Variants in RANBP17 observed in about 807,000 individuals in gnomAD.
The protein encoded by RANBP17 is ran-binding protein 17.
Under a neutral mutation model 141.2 loss-of-function variants are expected in RANBP17, and 158 were observed. That is an observed-to-expected ratio of 1.12 (90% CI 0.98 to 1.28). The LOEUF (loss-of-function observed/expected upper bound fraction) is 1.28. Among genes scored for constraint, RANBP17 ranks in the 50% most tolerant of loss-of-function variants. RANBP17 has a pLI of 0.00. For synonymous variants in RANBP17, 430 were observed against 450.0 expected (o/e 0.96, Z 0.56); for missense variants, 1,438 against 1,290.7 (o/e 1.11, Z -1.75).
At chr5:171,022,131 C>T (rs181032814) in intron 14 of RANBP17, among the ~76,000 whole-genome samples, 41 of 152,270 alleles carry the variant, frequency 2.7e-4, no homozygotes, top group Admixed American at 2.2e-3. Context: ...CTGGAGATGT[C>T]ACTCAACAAG....
chr5:171,286,956 T>C (rs1262109836), intron 25 of RANBP17, among the ~76,000 whole-genome samples: 1 of 152,204 alleles, frequency 6.6e-6, no homozygotes, highest in African/African-American at 2.4e-5. Flanking sequence ...GTTTTTGTTT[T>C]ATTGTTTTTG....
Position 170,921,945 on chromosome 5 carries a change from G to A in RANBP17, c.1274+2332G>A, listed in dbSNP as rs181643567. Among the ~76,000 whole-genome samples the A allele has an allele frequency of 3.5e-3, 530 of 152,266 alleles. 1 individual carries two copies. Among genetic ancestry groups the A allele is most frequent in the Admixed American group, 6.9e-3 (105 of 15,290 alleles). The stretch of plus-strand genomic sequence containing the variant: ...TGGAATTTTCAGCTTTTCTGCTCTG[G>A]TTTCTCCCCATCTTTATGGTTTTAT... On this transcript the variant is annotated intron_variant, in intron 11 of 27. Coordinates refer to ENST00000523189, the MANE Select transcript of RANBP17 (RefSeq NM_022897.5).
chr5:171,158,059 A>G (rs1453139952), intron 14 of RANBP17, among the ~76,000 whole-genome samples: 4 of 152,240 alleles, frequency 2.6e-5, no homozygotes, highest in Non-Finnish European at 4.4e-5. Context: ...AAGCCAGCCT[A>G]TGTTGAACAA....
intron 14 of RANBP17, among the ~76,000 whole-genome samples, chr5:171,040,357 T>C (rs1302554293): frequency 6.6e-6 from 1 of 152,200 alleles, no homozygotes; most frequent in African/African-American, 2.4e-5. Context: ...CCAGGGACTT[T>C]CTTAAATAAT....
intron 22 of RANBP17, among the ~76,000 whole-genome samples, chr5:171,232,113 C>T (rs1028506496): frequency 6.6e-6 from 1 of 152,052 alleles, no homozygotes; most frequent in Admixed American, 6.5e-5. Flanking sequence ...TATGTGGCAA[C>T]AGTTGAAAGA....
rs1290493396 is a variant in RANBP17, at chr5:170,909,747, A to G, written c.576A>G (p.Ala192=). The change falls in exon 6 of 28, where the codon GCA becomes GCG. Residue 192 remains alanine, a synonymous_variant. Transcript: ENST00000523189. ...DTSLKDVLVL[A]CSLLKEVFAK... ...CTCTCAAAGACGTTTTAGTGCTAGC[A>G]TGCTCTCTTTTAAAAGAGGTAAGTT... 6.4e-7 allele frequency: 1 copy of G among 1,551,662 alleles called. No individual in the cohort carries two copies. Among genetic ancestry groups the G allele is most frequent in the East Asian group, 2.3e-5 (1 of 44,416 alleles).
intron 13 of RANBP17, among the ~76,000 whole-genome samples, chr5:170,957,903 T>C (rs1775848654): frequency 6.6e-6 from 1 of 152,176 alleles, no homozygotes; most frequent in African/African-American, 2.4e-5. Flanking sequence ...TTGACCAAAA[T>C]GTTGTCACCA....
At chr5:171,043,838 T>C (rs752971202) in intron 14 of RANBP17, among the ~76,000 whole-genome samples, 10 of 152,262 alleles carry the variant, frequency 6.6e-5, no homozygotes, top group Non-Finnish European at 1.0e-4. Context: ...TCTTAAGCCA[T>C]GGTTTGGAAC....
intron 14 of RANBP17, among the ~76,000 whole-genome samples, chr5:171,038,030 A>G (rs1242996160): frequency 6.6e-6 from 1 of 152,100 alleles, no homozygotes; most frequent in African/African-American, 2.4e-5. Context: ...CCATTTTAAC[A>G]ATATTGATTC....
chr5:171,185,140 G>A (rs1007629365), intron 18 of RANBP17, among the ~76,000 whole-genome samples: 1 of 152,160 alleles, frequency 6.6e-6, no homozygotes, highest in Admixed American at 6.6e-5. Flanking sequence ...TCCAGCCTGG[G>A]CAACAAGAAC....
intron 22 of RANBP17, among the ~76,000 whole-genome samples, chr5:171,238,384 A>AAAC (rs1554121480): frequency 8.3e-4 from 126 of 151,932 alleles, no homozygotes; most frequent in African/African-American, 2.9e-3. Context: ...TTATGATTCT[A>AAAC]AATATTTCTT....
In RANBP17 at chr5:171,171,224, C is replaced by T. The variant is rs142281542; in HGVS notation, c.1803C>T (p.Tyr601=). The T allele has an allele frequency of 8.1e-5, 129 of 1,589,378 alleles. No homozygotes were observed. Among genetic ancestry groups the T allele is most frequent in the Non-Finnish European group, 1.0e-4 (118 of 1,163,956 alleles). The change falls in exon 16 of 28, where the codon TAC becomes TAT. Residue 601 remains tyrosine, a synonymous_variant. Transcript: ENST00000523189. Reference sequence around the variant, plus strand: ...TATTTAGTGTTACAAACCTTAAATACTGGGGAAGATATGAGCCTGTAATTT... The same window carrying T: ...TATTTAGTGTTACAAACCTTAAATATTGGGGAAGATATGAGCCTGTAATTT... ...FMTKIVTNLK[Y]WGRYEPVISR...
At chr5:171,021,568 A>G (rs1220142024) in intron 14 of RANBP17, among the ~76,000 whole-genome samples, 4 of 151,994 alleles carry the variant, frequency 2.6e-5, no homozygotes, top group South Asian at 2.1e-4. Context: ...CCATTCAGCT[A>G]TTGATTGTAT....
intron 14 of RANBP17, among the ~76,000 whole-genome samples, chr5:171,132,585 G>C (rs1756996980): frequency 6.6e-6 from 1 of 151,962 alleles, no homozygotes; most frequent in African/African-American, 2.4e-5. Flanking sequence ...AACCAGGTAT[G>C]GTGGTGCATG....
At chr5:171,134,979 A>C (rs1425969353) in intron 14 of RANBP17, among the ~76,000 whole-genome samples, 1 of 151,684 alleles carries the variant, frequency 6.6e-6, no homozygotes, top group Non-Finnish European at 1.5e-5. Flanking sequence ...GTAAAGAGAA[A>C]AGTTTAAGGC....
intron 14 of RANBP17, among the ~76,000 whole-genome samples, chr5:171,121,491 C>A (rs1029023216): frequency 6.6e-6 from 1 of 152,212 alleles, no homozygotes; most frequent in South Asian, 2.1e-4. Context: ...AGGGCTGCTT[C>A]TCAGGTTCTG....
chr5:171,149,640 A>G (rs1758329873), intron 14 of RANBP17, among the ~76,000 whole-genome samples: 1 of 152,224 alleles, frequency 6.6e-6, no homozygotes. Flanking sequence ...CTTGAGCAAT[A>G]TAGAGTATAC....
intron 14 of RANBP17, among the ~76,000 whole-genome samples, chr5:171,061,194 C>T (rs1417040869): frequency 6.6e-6 from 1 of 150,998 alleles, no homozygotes; most frequent in Non-Finnish European, 1.5e-5. Flanking sequence ...TATTTCTTGC[C>T]TTCTGCTAGC....
chr5:171,155,094 A>AAAAAAAAT (rs34090443), intron 14 of RANBP17, among the ~76,000 whole-genome samples: 1 of 74,988 alleles, frequency 1.3e-5, no homozygotes, highest in African/African-American at 5.2e-5. Flanking sequence ...AAAAAAAAAA[A>AAAAAAAAT]ATATATATAT....
Sources: allele counts gnomAD v4.1 joint callset (sites outside exome capture counted in the v4.1 genomes callset), GRCh38; gene constraint gnomAD v4.1.1; transcripts MANE v1.5; gene names NCBI Gene and HGNC (gene_info 2026-07-23, HGNC 2026-07-21).